Variants in FARP2 observed in about 807,000 individuals in gnomAD.
FARP2 encodes FERM, ARH/RhoGEF and pleckstrin domain protein 2.
Under a neutral mutation model 130.5 loss-of-function variants are expected in FARP2, and 111 were observed. That is an observed-to-expected ratio of 0.85 (90% CI 0.73 to 1.00). The LOEUF (loss-of-function observed/expected upper bound fraction) is 1.00. Ranked by LOEUF, FARP2 falls within the 50% of genes least tolerant of loss-of-function variation. FARP2 has a pLI of 0.00. For missense variants in FARP2, 1,385 were observed against 1,346.3 expected (o/e 1.03, Z -0.45); for synonymous variants, 504 against 516.9 (o/e 0.98, Z 0.34).
At chr2:241,446,922 A>G (rs1182850204) in intron 13 of FARP2, 1 of 152,206 alleles carries the variant, frequency 6.6e-6, no homozygotes. Flanking sequence ...CATCTTTAGC[A>G]TGAAAACAAT....
chr2:241,479,427 G>T (rs370291111), intron 19 of FARP2, among the ~76,000 whole-genome samples: 1 of 152,260 alleles, frequency 6.6e-6, no homozygotes, highest in African/African-American at 2.4e-5. Flanking sequence ...TCAGTCAGGA[G>T]TCTGCTCTGC....
At chr2:241,448,850 C>A (rs2063575846) in intron 13 of FARP2, among the ~76,000 whole-genome samples, 1 of 152,248 alleles carries the variant, frequency 6.6e-6, no homozygotes, top group Non-Finnish European at 1.5e-5. Flanking sequence ...CTTCGTGTGT[C>A]AGCTCGTTAA....
intron 2 of FARP2, among the ~76,000 whole-genome samples, chr2:241,378,649 A>G (rs1169391976): frequency 1.3e-5 from 2 of 151,736 alleles, no homozygotes; most frequent in Non-Finnish European, 2.9e-5. Flanking sequence ...GTCTCTAGCA[A>G]TCCTCCTGCC....
chr2:241,434,129 A>G, intron 9 of FARP2, 29 bp from the exon 10 acceptor site: 1 of 1,544,194 alleles, frequency 6.5e-7, no homozygotes, highest in Non-Finnish European at 8.8e-7. Flanking sequence ...TCATTCTTGA[A>G]TTAATTAACC....
intron 21 of FARP2, 104 bp downstream of exon 21, chr2:241,484,435 C>A: frequency 1.1e-6 from 1 of 885,878 alleles, no homozygotes; most frequent in African/African-American, 1.6e-5. Context: ...ACACTGAGAG[C>A]AGCACCTGCT....
intron 2 of FARP2, among the ~76,000 whole-genome samples, chr2:241,379,197 A>G (rs1298556799): frequency 6.6e-6 from 1 of 152,198 alleles, no homozygotes; most frequent in Non-Finnish European, 1.5e-5. Flanking sequence ...TAGAACAATT[A>G]TACTCTCATT....
At chr2:241,491,787 C>A in intron 24 of FARP2, 108 bp downstream of exon 24, 1 of 1,084,468 alleles carries the variant, frequency 9.2e-7, no homozygotes, top group Non-Finnish European at 1.3e-6. Context: ...GCAGGCTTGG[C>A]CCCAGAGGAC....
At chr2:241,462,284 A>G (rs1206120254) in intron 14 of FARP2, among the ~76,000 whole-genome samples, 1 of 152,256 alleles carries the variant, frequency 6.6e-6, no homozygotes, top group Non-Finnish European at 1.5e-5. Context: ...CACAAAACCA[A>G]TAATAAACTT....
chr2:241,483,454 C>T lies in FARP2; in HGVS notation c.2263-11C>T. ...AGCCCGCTGAAAGGGGACTCTGTCT[C>T]TGTCTTTCAGGAGTTCATCCGTGAG... On this transcript the variant is annotated splice_polypyrimidine_tract_variant and intron_variant, in intron 19 of 26. Coordinates refer to ENST00000264042, the MANE Select transcript of FARP2 (RefSeq NM_014808.4). 1.2e-6 allele frequency: 2 copies of T among 1,613,158 alleles called. No individual in the cohort carries two copies. Among genetic ancestry groups the T allele is most frequent in the Non-Finnish European group, 1.7e-6 (2 of 1,179,042 alleles).
intron 8 of FARP2, among the ~76,000 whole-genome samples, chr2:241,431,237 C>T (rs1050062826): frequency 6.6e-5 from 10 of 152,060 alleles, no homozygotes; most frequent in Non-Finnish European, 1.5e-4. Flanking sequence ...CTTTCAGTGT[C>T]CTTGTGTTCC....
chr2:241,410,050 C>G (rs2062474596), intron 5 of FARP2, among the ~76,000 whole-genome samples: 1 of 152,142 alleles, frequency 6.6e-6, no homozygotes, highest in Non-Finnish European at 1.5e-5. Context: ...GGGGGTTGGT[C>G]TTGCTTACCT....
rs539316851 is a variant in FARP2, at chr2:241,453,514, C to CG, written c.1412-3230dup. ...GTGGGAGCCTGTAGTCCCAGCTACT[C>CG]GGGAGGCTGAGGCAGGAGAATGGCA... is the stretch of plus-strand genomic sequence containing the variant. On this transcript the variant is annotated intron_variant, in intron 13 of 26. Coordinates refer to ENST00000264042, the MANE Select transcript of FARP2 (RefSeq NM_014808.4). 4.4e-3 allele frequency among the ~76,000 whole-genome samples: 661 copies of CG among 150,856 alleles called. 4 individuals are homozygous for CG. The highest frequency in any genetic ancestry group is 0.016 in the African/African-American group (637 of 41,048).
Position 241,393,801 on chromosome 2 carries a change from G to GT in FARP2, c.184-10026dup, listed in dbSNP as rs1466879446. ...CACAACCTTTAATAGTTTTGTAAAT[G>GT]TAAGTTTTTAACAATATTGTTTATA... is the stretch of plus-strand genomic sequence containing the variant. On this transcript the variant is annotated intron_variant, in intron 2 of 26. Transcript: ENST00000264042. 2.6e-5 allele frequency among the ~76,000 whole-genome samples: 4 copies of GT among 152,318 alleles called. No individual in the cohort carries two copies. In the East Asian group the frequency reaches 7.7e-4, roughly 29 times the overall value.
rs754567012 is a variant in FARP2 at position 241,407,533 on chromosome 2, A to T, written c.332-4A>T. On this transcript the variant is annotated splice_region_variant and splice_polypyrimidine_tract_variant and intron_variant, in intron 4 of 26. Coordinates refer to ENST00000264042, the MANE Select transcript of FARP2 (RefSeq NM_014808.4). Reference sequence around the variant, plus strand: ...TTTGTGAAGTTTAAATTTTTTTGTTATAGGGCCAAAGAATGTGGTGCTTCG... The same window carrying T: ...TTTGTGAAGTTTAAATTTTTTTGTTTTAGGGCCAAAGAATGTGGTGCTTCG... 3 of 1,612,460 alleles carry T rather than the reference A, an allele frequency of 1.9e-6. No individual in the cohort carries two copies. Among genetic ancestry groups the T allele is most frequent in the African/African-American group, 1.3e-5 (1 of 74,874 alleles).
intron 2 of FARP2, among the ~76,000 whole-genome samples, chr2:241,380,205 C>T (rs1014979686): frequency 2.0e-5 from 3 of 152,170 alleles, no homozygotes; most frequent in Admixed American, 6.5e-5. Flanking sequence ...ATTTCAGGAT[C>T]GCAGCAGAGG....
chr2:241,359,796 GAGTGACTGCTA>G (rs1299818177), intron 1 of FARP2, among the ~76,000 whole-genome samples: 1 of 152,238 alleles, frequency 6.6e-6, no homozygotes, highest in Admixed American at 6.5e-5. Flanking sequence ...TTGTGGAGCT[GAGTGACTGCTA>G]ACAAATCACT....
chr2:241,436,652 G>A (rs906907743), intron 12 of FARP2, 114 bp downstream of exon 12: 3 of 890,748 alleles, frequency 3.4e-6, no homozygotes, highest in African/African-American at 3.3e-5. Flanking sequence ...ATTTAATGCA[G>A]CAATTGTAAT....
intron 4 of FARP2, among the ~76,000 whole-genome samples, chr2:241,406,159 G>T (rs751216560): frequency 6.6e-6 from 1 of 150,720 alleles, no homozygotes; most frequent in Admixed American, 6.6e-5. Flanking sequence ...AATTAGCCGG[G>T]TGTAGGGGCA....
intron 2 of FARP2, among the ~76,000 whole-genome samples, chr2:241,399,079 T>C (rs922500201): frequency 3.3e-5 from 5 of 152,242 alleles, no homozygotes; most frequent in Admixed American, 3.3e-4. Flanking sequence ...ATTTTTATAT[T>C]CTCAGCTATT....
Sources: allele counts gnomAD v4.1 joint callset (sites outside exome capture counted in the v4.1 genomes callset), GRCh38; gene constraint gnomAD v4.1.1; transcripts MANE v1.5; gene names NCBI Gene and HGNC (gene_info 2026-07-23, HGNC 2026-07-21).